The following HES4 variants were observed in gnomAD, a reference collection of about 807,000 sequenced individuals.
The protein encoded by HES4 is transcription factor HES-4.
Under a neutral mutation model 10.7 loss-of-function variants are expected in HES4, and 17 were observed. The observed-to-expected ratio is 1.59, with a 90% CI of 1.09 to 2.38. The LOEUF is 2.38. Among genes scored for constraint, HES4 ranks in the 30% most tolerant of loss-of-function variants. The probability of loss-of-function intolerance (pLI) is 0.00; values close to 1 mark genes in which losing one functional copy is unlikely to be tolerated. For missense variants in HES4, 389 were observed against 332.1 expected (o/e 1.17, Z -1.33); for synonymous variants, 189 against 159.7 (o/e 1.18, Z -1.38).
rs1643985048 is a variant in HES4 at position 999,254 on chromosome 1, G to T, written c.471C>A (p.Ala157=). The T allele has an allele frequency of 7.2e-7, 1 of 1,398,552 alleles. No individual in the cohort carries two copies. Among genetic ancestry groups the T allele is most frequent in the Non-Finnish European group, 9.3e-7 (1 of 1,080,696 alleles). 86.6% of individuals were successfully genotyped at this position (1,398,552 alleles called of 1,614,324 possible). A position where few individuals can be genotyped will look rare whatever the true frequency, so the allele number is the denominator to read the frequency against. Residue 157 remains alanine, a synonymous_variant, in exon 4 of 4, where the codon GCC becomes GCA. Transcript: ENST00000304952. ...LRQLGPSRRP[A]SLSPAAPAEA... ...CTGCGGGGGCAGCCGGGGACAGCGA[G>T]GCCGGGCGGCGGGAGGGTCCCAGCT...
At position 1,000,068 on chromosome 1, in the gene HES4, C is replaced by T. The variant is rs1409845923; in HGVS notation, c.-95G>A. 4.7e-5 allele frequency: 51 copies of T among 1,096,556 alleles called. No individual in the cohort carries two copies. Among genetic ancestry groups the T allele is most frequent in the African/African-American group, 1.5e-4 (9 of 60,092 alleles). 67.9% of individuals were successfully genotyped at this position (1,096,556 alleles called of 1,614,324 possible). A position where few individuals can be genotyped will look rare whatever the true frequency, so the allele number is the denominator to read the frequency against. ...GCGGCGAGCGCGCGGCGATCCGAGC[C>T]CCTAGGGCGGATCCCGGCTCCAGGC... On this transcript the variant is annotated 5_prime_UTR_variant, in exon 1 of 4. Coordinates refer to ENST00000304952, the MANE Select transcript of HES4 (RefSeq NM_021170.4).
rs1371406736 is a variant in HES4, at chr1:999,273, C to T, written c.452G>A (p.Gly151Glu). The T allele has an allele frequency of 1.4e-6, 2 of 1,448,190 alleles. No individual in the cohort carries two copies. Among genetic ancestry groups the T allele is most frequent in the Non-Finnish European group, 1.8e-6 (2 of 1,105,094 alleles). 89.7% of individuals were successfully genotyped at this position (1,448,190 alleles called of 1,614,324 possible). Residue 151 changes from glycine (G) to glutamate (E), a missense_variant, in exon 4 of 4, where the codon GGA (glycine) becomes GAA (glutamate). Transcript: ENST00000304952. Reference protein sequence around the residue: ...GHLAACLRQLGPSRRPASLSP... With the variant: ...GHLAACLRQLEPSRRPASLSP... ...CAGCGAGGCCGGGCGGCGGGAGGGT[C>T]CCAGCTGGCGCAGGCAGGCTGCCAG...
Position 999,584 on chromosome 1 carries a change from C to G in HES4, c.234G>C (p.Ala78=). The G allele has an allele frequency of 6.2e-7, 1 of 1,610,346 alleles. No homozygotes were observed. Among genetic ancestry groups the G allele is most frequent in the South Asian group, 1.1e-5 (1 of 90,674 alleles). The change falls in exon 3 of 4, where the codon GCG becomes GCC. Residue 78 remains alanine (A), a synonymous_variant. Transcript: ENST00000304952. ...ESSRHSKLEK[A]DILEMTVRHL... is the part of the protein sequence containing the mutation. ...GTCTCACGGTCATCTCCAGGATGTC[C>G]GCCTTCTCCAGCTTCGAGTGGCGGG...
In HES4 at chr1:999,291, G is replaced by GCTGC. The variant is rs1643986096; in HGVS notation, c.430_433dup (p.Ala145GlyfsTer84). ...GGAGGGTCCCAGCTGGCGCAGGCAG[G>GCTGC]CTGCCAGGTGGCCCAGCAGGCGGGA... On this transcript the variant is annotated frameshift_variant, in exon 4 of 4. Coordinates refer to ENST00000304952, the MANE Select transcript of HES4 (RefSeq NM_021170.4). LOFTEE classifies it low-confidence loss of function (END_TRUNC). 6.8e-7 allele frequency: 1 copy of GCTGC among 1,461,334 alleles called. No individual in the cohort carries two copies. The highest frequency in any genetic ancestry group is 1.5e-5 in the African/African-American group (1 of 68,256). 90.5% of individuals were successfully genotyped at this position (1,461,334 alleles called of 1,614,324 possible).
Position 999,913 on chromosome 1 carries a change from C to T in HES4, c.61G>A (p.Ala21Thr), listed in dbSNP as rs1351849696. ...CGGGGCTTGTCTGGGGTCCGGCTGGCGCTGGCCGGCGCTCCTGCCATCGGC... is the reference window on the plus strand; with the variant it reads ...CGGGGCTTGTCTGGGGTCCGGCTGGTGCTGGCCGGCGCTCCTGCCATCGGC... ...ASPMAGAPAS[A>T]SRTPDKPRSA... Residue 21 changes from alanine to threonine, a missense_variant, in exon 1 of 4, where the codon GCC (alanine) becomes ACC (threonine). Coordinates refer to ENST00000304952, the MANE Select transcript of HES4 (RefSeq NM_021170.4). The T allele has an allele frequency of 4.8e-6, 7 of 1,472,002 alleles. No homozygotes were observed. The highest frequency in any genetic ancestry group is 6.2e-6 in the Non-Finnish European group (7 of 1,120,750). The allele number at this position is 1,472,002 out of a possible 1,614,324, so 91.2% of individuals were successfully genotyped here.
At position 998,989 on chromosome 1, in the gene HES4, C is replaced by G; in HGVS notation, c.*70G>C. The G allele has an allele frequency of 8.3e-7, 1 of 1,197,658 alleles. No individual in the cohort carries two copies. The highest frequency in any genetic ancestry group is 1.1e-6 in the Non-Finnish European group (1 of 944,192). The allele number at this position is 1,197,658 out of a possible 1,614,324, so 74.2% of individuals were successfully genotyped here. A position where few individuals can be genotyped will look rare whatever the true frequency, so the allele number is the denominator to read the frequency against. The stretch of plus-strand genomic sequence containing the variant: ...TGGAATAATAAATACGTTTTCTCTG[C>G]TACAGTCTCGGCAAAGGCCACGGCC... On this transcript the variant is annotated 3_prime_UTR_variant, in exon 4 of 4. Coordinates refer to ENST00000304952, the MANE Select transcript of HES4 (RefSeq NM_021170.4).
In HES4 at chr1:999,633, G is replaced by A. The variant is rs1233441059; in HGVS notation, c.205-20C>T. On this transcript the variant is annotated intron_variant, in intron 2 of 3. Transcript: ENST00000304952. The stretch of plus-strand genomic sequence containing the variant: ...GGAGCTCTGGGGGCGGGGATAGGCG[G>A]GAGGTCCAGGTCAGCTGCGACCCAG... 3 of 1,608,374 alleles carry A rather than the reference G, an allele frequency of 1.9e-6. No individual in the cohort carries two copies. Among genetic ancestry groups the A allele is most frequent in the African/African-American group, 1.3e-5 (1 of 74,460 alleles).
chr1:999,956 C>G lies in HES4; in HGVS notation c.18G>C (p.Pro6=), dbSNP rs773112357. Reference sequence around the variant, plus strand: ...CCATCGGCGAGGCGCTCGGTTTCCCCGGCGTGTCTGCGGCCATGGTGCGCC... The same window carrying G: ...CCATCGGCGAGGCGCTCGGTTTCCCGGGCGTGTCTGCGGCCATGGTGCGCC... MAADT[P]GKPSASPMAG... is the part of the protein sequence containing the mutation. Residue 6 remains proline, a synonymous_variant, in exon 1 of 4, where the codon CCG becomes CCC. Transcript: ENST00000304952. 2.1e-6 allele frequency: 3 copies of G among 1,450,332 alleles called. No homozygotes were observed. Among genetic ancestry groups the G allele is most frequent in the Non-Finnish European group, 1.8e-6 (2 of 1,111,832 alleles). The allele number at this position is 1,450,332 out of a possible 1,614,324, so 89.8% of individuals were successfully genotyped here. A position where few individuals can be genotyped will look rare whatever the true frequency, so the allele number is the denominator to read the frequency against.
rs1202631718 is a variant in HES4 at position 999,939 on chromosome 1, G to A, written c.35C>T (p.Ser12Leu). The change falls in exon 1 of 4, where the codon TCG (serine) becomes TTG (leucine). Residue 12 changes from serine (S) to leucine (L), a missense_variant. Physicochemically the swap from Ser to Leu is moderately radical, Grantham distance 145. Transcript: ENST00000304952. ...GCTGGCCGGCGCTCCTGCCATCGGC[G>A]AGGCGCTCGGTTTCCCCGGCGTGTC... ...AADTPGKPSA[S>L]PMAGAPASAS... The A allele has an allele frequency of 2.1e-6, 3 of 1,457,288 alleles. No individual in the cohort carries two copies. The highest frequency in any genetic ancestry group is 1.5e-5 in the African/African-American group (1 of 66,996). The allele number at this position is 1,457,288 out of a possible 1,614,324, so 90.3% of individuals were successfully genotyped here.
chr1:1,000,022 CACGGGCGG>C lies in HES4; in HGVS notation c.-57_-50del. On this transcript the variant is annotated 5_prime_UTR_variant, in exon 1 of 4. Coordinates refer to ENST00000304952, the MANE Select transcript of HES4 (RefSeq NM_021170.4). ...CCGGGTGGAGCGCGCCGCCACGGAC[CACGGGCGG>C]GCTGGCGGGCGAGCGGCGAGCGCGC... 1.6e-6 allele frequency: 2 copies of C among 1,243,466 alleles called. No homozygotes were observed. Among genetic ancestry groups the C allele is most frequent in the Non-Finnish European group, 2.0e-6 (2 of 996,134 alleles). 77.0% of individuals were successfully genotyped at this position (1,243,466 alleles called of 1,614,324 possible). A position where few individuals can be genotyped will look rare whatever the true frequency, so the allele number is the denominator to read the frequency against.
chr1:999,090 G>C lies in HES4; in HGVS notation c.635C>G (p.Pro212Arg). The C allele has an allele frequency of 1.6e-6, 2 of 1,229,580 alleles. No homozygotes were observed. The highest frequency in any genetic ancestry group is 2.0e-6 in the Non-Finnish European group (2 of 985,806). The allele number at this position is 1,229,580 out of a possible 1,614,324, so 76.2% of individuals were successfully genotyped here. A position where few individuals can be genotyped will look rare whatever the true frequency, so the allele number is the denominator to read the frequency against. Residue 212 changes from proline to arginine, a missense_variant, in exon 4 of 4, where the codon CCG (proline) becomes CGG (arginine). By Grantham distance (103) the Pro-to-Arg change is moderately radical. Transcript: ENST00000304952. ...CAGCCACGGCCTCCAGGGCCCACCC[G>C]GGCCCTGCGGCCCCGCCCTGGGGGC... ...PAAPRAGPQG[P>R]GGPWRPWLR
chr1:999,498 C>T (rs749873029), intron 3 of HES4, 28 bp downstream of exon 3: 79 of 1,568,942 alleles, frequency 5.0e-5, no homozygotes, highest in Non-Finnish European at 6.6e-5. Context: ...CTCCCCCCGC[C>T]TCCAAGCCGC....
chr1:999,356 G>A lies in HES4; in HGVS notation c.369C>T (p.Arg123=), dbSNP rs1643987916. The A allele has an allele frequency of 1.3e-6, 2 of 1,497,202 alleles. No individual in the cohort carries two copies. Among genetic ancestry groups the A allele is most frequent in the Non-Finnish European group, 1.8e-6 (2 of 1,133,998 alleles). 92.7% of individuals were successfully genotyped at this position (1,497,202 alleles called of 1,614,324 possible). Residue 123 remains arginine, a synonymous_variant, in exon 4 of 4, where the codon CGC becomes CGT. Coordinates refer to ENST00000304952, the MANE Select transcript of HES4 (RefSeq NM_021170.4). ...GGACGCCCTCGCAGCCGGCCAGGAA[G>A]CGGTTCACCTCCGCCAGACACTCGT... ...GFHECLAEVN[R]FLAGCEGVPA... is the part of the protein sequence containing the mutation.
In HES4 at chr1:999,733, C is replaced by T; in HGVS notation, c.163G>A (p.Ala55Thr). 1.9e-6 allele frequency: 3 copies of T among 1,611,806 alleles called. No individual in the cohort carries two copies. The highest frequency in any genetic ancestry group is 2.5e-6 in the Non-Finnish European group (3 of 1,179,458). ...TCCAGGATGAGGGTTTTGAGCTGAG[C>T]GAGGCTCTCGTTAATACGCGCTCGG... is the stretch of plus-strand genomic sequence containing the variant. ...RRRARINESL[A>T]QLKTLILDAL... Residue 55 changes from alanine to threonine, a missense_variant, in exon 2 of 4, where the codon GCT becomes ACT. Coordinates refer to ENST00000304952, the MANE Select transcript of HES4 (RefSeq NM_021170.4).
intron 3 of HES4, 34 bp from the exon 4 acceptor site, chr1:999,466 C>G (rs772040209): frequency 4.0e-5 from 62 of 1,555,760 alleles, no homozygotes; most frequent in Non-Finnish European, 5.0e-5. Context: ...AGGTCGGTGC[C>G]GGGTCCCGGG....
Position 999,704 on chromosome 1 carries a change from G to A in HES4, c.192C>T (p.Ala64=), listed in dbSNP as rs968372114. 1.2e-5 allele frequency: 20 copies of A among 1,611,602 alleles called. No individual in the cohort carries two copies. Among genetic ancestry groups the A allele is most frequent in the African/African-American group, 6.7e-5 (5 of 74,684 alleles). Residue 64 remains alanine (A), a synonymous_variant, in exon 2 of 4, where the codon GCC becomes GCT. Transcript: ENST00000304952. ...GCCCCCGACTTACCTCTTTTCTGAGGGCGTCCAGGATGAGGGTTTTGAGCT... is the reference window on the plus strand; with the variant it reads ...GCCCCCGACTTACCTCTTTTCTGAGAGCGTCCAGGATGAGGGTTTTGAGCT... The part of the protein sequence containing the change: ...LAQLKTLILD[A]LRKESSRHSK...
rs748123883 is a variant in HES4 at position 999,403 on chromosome 1, C to T, written c.322G>A (p.Gly108Ser). 5.9e-6 allele frequency: 9 copies of T among 1,518,652 alleles called. No individual in the cohort carries two copies. The highest frequency in any genetic ancestry group is 7.8e-6 in the Non-Finnish European group (9 of 1,147,026). 94.1% of individuals were successfully genotyped at this position (1,518,652 alleles called of 1,614,324 possible). ...TCGTGGAAGCCGGCGCGGTACTTGC[C>T]CAGAACGGCGGGGTCGGCGCTGAGC... ...AALSADPAVL[G>S]KYRAGFHECL... Residue 108 changes from glycine (G) to serine (S), a missense_variant, in exon 4 of 4, where the codon GGC becomes AGC. Gly to Ser is a moderately conservative substitution (Grantham distance 56). Transcript: ENST00000304952.
In HES4 at chr1:999,760, G is replaced by A. The variant is rs1270595249; in HGVS notation, c.136C>T (p.Arg46Cys). The change falls in exon 2 of 4, where the codon CGC becomes TGC. Residue 46 changes from arginine (R) to cysteine (C), a missense_variant. By Grantham distance (180) the Arg-to-Cys change is radical. Coordinates refer to ENST00000304952, the MANE Select transcript of HES4 (RefSeq NM_021170.4). ...KSSKPVMEKR[R>C]RARINESLAQ... ...AGGCTCTCGTTAATACGCGCTCGGC[G>A]CCGCTTCTCCATGACCGGCTTGGAG... 2.5e-6 allele frequency: 4 copies of A among 1,611,934 alleles called. No individual in the cohort carries two copies. Among genetic ancestry groups the A allele is most frequent in the Non-Finnish European group, 3.4e-6 (4 of 1,179,530 alleles).
chr1:999,089 C>T lies in HES4; in HGVS notation c.636G>A (p.Pro212=), dbSNP rs752303176. ...PAAPRAGPQG[P]GGPWRPWLR ...GCAGCCACGGCCTCCAGGGCCCACC[C>T]GGGCCCTGCGGCCCCGCCCTGGGGG... The change falls in exon 4 of 4, where the codon CCG becomes CCA. Residue 212 remains proline, a synonymous_variant. Coordinates refer to ENST00000304952, the MANE Select transcript of HES4 (RefSeq NM_021170.4). 5.7e-6 allele frequency: 7 copies of T among 1,228,766 alleles called. No homozygotes were observed. The highest frequency in any genetic ancestry group is 6.1e-6 in the Non-Finnish European group (6 of 985,568). 76.1% of individuals were successfully genotyped at this position (1,228,766 alleles called of 1,614,324 possible). A position where few individuals can be genotyped will look rare whatever the true frequency, so the allele number is the denominator to read the frequency against.
Sources: gnomAD v4.1 joint callset for allele counts on GRCh38, gnomAD v4.1.1 for gene constraint, MANE v1.5 for transcripts, NCBI Gene and HGNC (gene_info 2026-07-23, HGNC 2026-07-21) for gene names.